Variants in APOD observed in about 807,000 individuals in gnomAD.
The protein encoded by APOD is apo-D.
A neutral mutation model predicts 20.4 loss-of-function variants in APOD; 22 were observed. The observed-to-expected ratio is 1.08, with a 90% CI of 0.77 to 1.54. The LOEUF (loss-of-function observed/expected upper bound fraction) is 1.54. APOD is among the 40% of genes most tolerant of loss of function. The pLI, the probability that APOD is intolerant of heterozygous loss-of-function variation, is 0.00. For missense variants in APOD, 223 were observed against 229.6 expected, an observed-to-expected ratio of 0.97 and a Z score of 0.19; for synonymous variants, 97 against 92.4, an observed-to-expected ratio of 1.05 and a Z score of -0.29.
At chr3:195,583,096 AAG>A (rs951720268) in intron 1 of APOD, 5 of 152,232 alleles carry the variant, frequency 3.3e-5, no homozygotes, top group Non-Finnish European at 7.3e-5. Context: ...CCAGGATTTT[AAG>A]GGTGCTATGC....
intron 1 of APOD, among the ~76,000 whole-genome samples, chr3:195,582,046 G>C (rs1720347912): frequency 6.7e-6 from 1 of 148,418 alleles, no homozygotes; most frequent in South Asian, 2.1e-4. Context: ...GTGCATGCCT[G>C]TAATCCCATG....
chr3:195,576,195 T>C (rs73067960), intron 2 of APOD, among the ~76,000 whole-genome samples: 2,976 of 152,344 alleles, frequency 0.02, 71 homozygotes, highest in African/African-American at 0.06. Flanking sequence ...CCATTTTCTA[T>C]GGTGCATTCA....
chr3:195,569,625 C>T (rs1720123388), intron 4 of APOD, among the ~76,000 whole-genome samples: 1 of 152,064 alleles, frequency 6.6e-6, no homozygotes, highest in Admixed American at 6.6e-5. Flanking sequence ...CAGAAAACTT[C>T]ACATGTCTCT....
chr3:195,569,227 C>T (rs1720116754), intron 4 of APOD, 92 bp from the exon 5 acceptor site: 9 of 1,037,950 alleles, frequency 8.7e-6, no homozygotes, highest in Middle Eastern at 2.3e-4. Context: ...AACCACCCAC[C>T]AAGCCCCCCA....
intron 3 of APOD, among the ~76,000 whole-genome samples, chr3:195,572,747 C>T (rs1720184368): frequency 1.3e-5 from 2 of 151,988 alleles, no homozygotes; most frequent in Admixed American, 1.3e-4. Flanking sequence ...CGTGGTGGCT[C>T]ACGCCTGTAA....
Position 195,573,792 on chromosome 3 carries a change from C to A in APOD, c.245+58G>T, listed in dbSNP as rs909122829. On this transcript the variant is annotated intron_variant, in intron 3 of 4. Transcript: ENST00000343267. ...CTCCCTGACCCAGGCTGCCGGACAC[C>A]CAGTCACTCTGCATCAGCACTCCGC... The A allele has an allele frequency of 3.1e-6, 5 of 1,590,228 alleles. No individual in the cohort carries two copies. In the African/African-American group the frequency reaches 6.7e-5, roughly 21 times the overall value.
At chr3:195,573,248 G>A (rs747669086) in intron 3 of APOD, among the ~76,000 whole-genome samples, 23 of 152,194 alleles carry the variant, frequency 1.5e-4, no homozygotes, top group Non-Finnish European at 2.9e-4. Flanking sequence ...GGGTAGGAAG[G>A]AGCTCTTCCT....
intron 1 of APOD, among the ~76,000 whole-genome samples, chr3:195,582,317 T>G (rs1233000192): frequency 1.2e-4 from 19 of 152,252 alleles, no homozygotes; most frequent in Admixed American, 1.2e-3. Flanking sequence ...AGCATGTTAT[T>G]AATGTGTACT....
At chr3:195,570,693 T>C (rs1174494603) in intron 4 of APOD, 2 of 156,250 alleles carry the variant, frequency 1.3e-5, no homozygotes, top group African/African-American at 4.8e-5. Context: ...CTCTAGTGTA[T>C]CTTCGTCGGA....
intron 1 of APOD, among the ~76,000 whole-genome samples, chr3:195,580,651 C>T (rs1446193677): frequency 1.3e-5 from 2 of 152,162 alleles, no homozygotes; most frequent in African/African-American, 4.8e-5. Context: ...GGGATCCACC[C>T]GCCTTGGCCT....
chr3:195,575,165 T>C (rs1720228244), intron 2 of APOD, among the ~76,000 whole-genome samples: 1 of 152,210 alleles, frequency 6.6e-6, no homozygotes, highest in Admixed American at 6.5e-5. Flanking sequence ...TTCCTCTATT[T>C]TCAAAGCCAG....
rs1720337070 is a variant in APOD, at chr3:195,581,437, A to C, written c.-34-1942T>G. Among the ~76,000 whole-genome samples, 9 of 152,356 alleles carry C rather than the reference A, an allele frequency of 5.9e-5. 1 individual carries two copies. In the South Asian group the frequency reaches 1.9e-3, roughly 32 times the overall value. On this transcript the variant is annotated intron_variant, in intron 1 of 4. Transcript: ENST00000343267. The stretch of plus-strand genomic sequence containing the variant: ...AATTCTACTTAGTAGGCCCAAGCTG[A>C]AAGCCTGGCCCAGAGGATCAAACCT...
intron 2 of APOD, among the ~76,000 whole-genome samples, chr3:195,576,854 G>T (rs1025422695): frequency 1.3e-5 from 2 of 150,820 alleles, no homozygotes; most frequent in African/African-American, 4.9e-5. Context: ...TTCTCTACTT[G>T]CAATGAACAA....
chr3:195,579,501 G>A lies in APOD; in HGVS notation c.-34-6C>T. On this transcript the variant is annotated splice_region_variant and splice_polypyrimidine_tract_variant and intron_variant, in intron 1 of 4. Coordinates refer to ENST00000343267, the MANE Select transcript of APOD (RefSeq NM_001647.4). ...GCTGGAGAAGGGACCTGGAGCTGCGGGAACGCAAAGCAGCTGGGGTTGTCA... is the reference window on the plus strand; with the variant it reads ...GCTGGAGAAGGGACCTGGAGCTGCGAGAACGCAAAGCAGCTGGGGTTGTCA... The A allele has an allele frequency of 6.2e-7, 1 of 1,605,020 alleles. No individual in the cohort carries two copies. Among genetic ancestry groups the A allele is most frequent in the Non-Finnish European group, 8.5e-7 (1 of 1,179,334 alleles).
rs764116819 is a variant in APOD at position 195,571,385 on chromosome 3, GA to G, written c.246-21del. 2.6e-6 allele frequency: 4 copies of G among 1,547,782 alleles called. No individual in the cohort carries two copies. The African/African-American group carries it at 4.2e-5, about 16-fold the overall frequency. Reference sequence around the variant, plus strand: ...TCAGCTCTGCAGTGAGTTAAAAAAAGAAAAAATACAAAAAACGAAAAGAGAA... The same window carrying G: ...TCAGCTCTGCAGTGAGTTAAAAAAAGAAAAATACAAAAAACGAAAAGAGAA... On this transcript the variant is annotated intron_variant, in intron 3 of 4. Coordinates refer to ENST00000343267, the MANE Select transcript of APOD (RefSeq NM_001647.4).
At chr3:195,571,782 CTT>C (rs34868553) in intron 3 of APOD, among the ~76,000 whole-genome samples, 16 of 144,994 alleles carry the variant, frequency 1.1e-4, no homozygotes, top group Non-Finnish European at 1.2e-4. Flanking sequence ...AGAAGATTCA[CTT>C]TTTTTTTTTT....
At chr3:195,571,489 C>A in intron 3 of APOD, 124 bp from the exon 4 acceptor site, 2 of 805,610 alleles carry the variant, frequency 2.5e-6, no homozygotes, top group Non-Finnish European at 3.9e-6. Context: ...CAGCCAACAC[C>A]GTGATTTCTG....
intron 3 of APOD, among the ~76,000 whole-genome samples, chr3:195,573,079 G>A (rs1240564964): frequency 3.3e-5 from 5 of 152,146 alleles, no homozygotes; most frequent in South Asian, 2.1e-4. Flanking sequence ...ATCTGCATAC[G>A]TTAACTTAGC....
At chr3:195,573,647 C>G (rs1353533401) in intron 3 of APOD, among the ~76,000 whole-genome samples, 1 of 152,166 alleles carries the variant, frequency 6.6e-6, no homozygotes, top group East Asian at 1.9e-4. Flanking sequence ...CAGTTTGTGC[C>G]CCGCAGGTGG....
Sources: gnomAD v4.1 joint callset for allele counts (sites outside exome capture counted in the v4.1 genomes callset) on GRCh38, gnomAD v4.1.1 for gene constraint, MANE v1.5 for transcripts, NCBI Gene and HGNC (gene_info 2026-07-23, HGNC 2026-07-21) for gene names.